The following PSPC1 variants were observed in gnomAD, a reference collection of about 807,000 sequenced individuals.
PSPC1 encodes paraspeckle component 1, also known as paraspeckle protein 1.
Under a neutral mutation model 51.6 loss-of-function variants are expected in PSPC1, and 14 were observed. The ratio of observed to expected loss-of-function variants is 0.27; its 90% confidence interval spans 0.18 to 0.42. The LOEUF (loss-of-function observed/expected upper bound fraction) is 0.42, where lower values mean the gene tolerates loss of function less well. Ranked by LOEUF, PSPC1 falls within the 10% of genes least tolerant of loss-of-function variation. The probability of loss-of-function intolerance (pLI) is 1.00; values close to 1 mark genes in which losing one functional copy is unlikely to be tolerated. For missense variants in PSPC1, 406 were observed against 701.1 expected, an observed-to-expected ratio of 0.58 and a Z score of 4.75; for synonymous variants, 193 against 231.9, an observed-to-expected ratio of 0.83 and a Z score of 1.53.
At chr13:19,698,051 C>T (rs954566313), downstream of PSPC1, among the ~76,000 whole-genome samples, 2 of 151,952 alleles carry the variant, frequency 1.3e-5, no homozygotes, top group African/African-American at 4.8e-5. Context: ...GTCACAGAAG[C>T]CTGGTTGATT....
At chr13:19,738,751 C>CA (rs1206541515) in intron 5 of PSPC1, among the ~76,000 whole-genome samples, 2 of 151,716 alleles carry the variant, frequency 1.3e-5, no homozygotes, top group East Asian at 1.9e-4. Context: ...ACTAAAAATA[C>CA]AAAAAAATAG....
rs149303441 is a variant in PSPC1 at position 19,730,149 on chromosome 13, T to C, written c.1158+90A>G. The C allele has an allele frequency of 6.6e-3, 6,659 of 1,013,400 alleles. 436 individuals are homozygous for C. The Admixed American group carries it at 0.12, about 18-fold the overall frequency. The allele number at this position is 1,013,400 out of a possible 1,614,324, so 62.8% of individuals were successfully genotyped here. On this transcript the variant is annotated intron_variant, in intron 6 of 8. Coordinates refer to ENST00000338910, the MANE Select transcript of PSPC1 (RefSeq NM_001354909.2). Reference sequence around the variant, plus strand: ...TGAATTTAGAAAGATTAGAAAAGACTACTGTATAAACCAAAATCTAAAGCA... The same window carrying C: ...TGAATTTAGAAAGATTAGAAAAGACCACTGTATAAACCAAAATCTAAAGCA...
At chr13:19,709,208 T>TAAAAAA (rs1881102637) in intron 7 of PSPC1, among the ~76,000 whole-genome samples, 1 of 151,578 alleles carries the variant, frequency 6.6e-6, no homozygotes. Flanking sequence ...AATTTGATTT[T>TAAAAAA]AAAACTGCAA....
At chr13:19,780,842 G>A (rs1289347300) in intron 1 of PSPC1, among the ~76,000 whole-genome samples, 9 of 152,098 alleles carry the variant, frequency 5.9e-5, no homozygotes, top group African/African-American at 2.2e-4. Context: ...GTATCGTCCA[G>A]ACAGAGAACC....
intron 8 of PSPC1, among the ~76,000 whole-genome samples, chr13:19,705,266 G>A (rs1348982041): frequency 1.2e-4 from 18 of 152,200 alleles, no homozygotes; most frequent in Non-Finnish European, 1.9e-4. Context: ...AGGCCGAGGC[G>A]GGCGGATCAC....
chr13:19,782,294 C>G lies in PSPC1; in HGVS notation c.372+92G>C, dbSNP rs1441155584. 5 of 1,460,776 alleles carry G rather than the reference C, an allele frequency of 3.4e-6. No individual in the cohort carries two copies. In the Admixed American group the frequency reaches 7.5e-5, roughly 22 times the overall value. The allele number at this position is 1,460,776 out of a possible 1,614,324, so 90.5% of individuals were successfully genotyped here. A position where few individuals can be genotyped will look rare whatever the true frequency, so the allele number is the denominator to read the frequency against. On this transcript the variant is annotated intron_variant, in intron 1 of 8. Coordinates refer to ENST00000338910, the MANE Select transcript of PSPC1 (RefSeq NM_001354909.2). This position sits in a 1 kb window ranked among gnomAD's most constrained non-coding sequence, Gnocchi z 4.5. ...GCGCCACGGTTGCCACAGGTTGAGACAGCGTCCTAGGACGAGGCTGGCCTC... is the reference window on the plus strand; with the variant it reads ...GCGCCACGGTTGCCACAGGTTGAGAGAGCGTCCTAGGACGAGGCTGGCCTC...
At chr13:19,762,342 G>C (rs866828882) in intron 2 of PSPC1, among the ~76,000 whole-genome samples, 1 of 151,836 alleles carries the variant, frequency 6.6e-6, no homozygotes, top group Middle Eastern at 3.4e-3. Context: ...TGGATCACGA[G>C]GTCAGGAGTT....
At chr13:19,695,881 C>T (rs1380509299) in intron 6 of PSPC1, among the ~76,000 whole-genome samples, 1 of 151,356 alleles carries the variant, frequency 6.6e-6, no homozygotes, top group Non-Finnish European at 1.5e-5. Flanking sequence ...AGTCTGGTAT[C>T]AACATATTTT....
downstream of PSPC1, among the ~76,000 whole-genome samples, chr13:19,702,227 A>G (rs531577010): frequency 5.9e-5 from 9 of 152,314 alleles, no homozygotes; most frequent in Non-Finnish European, 1.2e-4. Context: ...TCCAAATTTT[A>G]GGGAAATATT....
At position 19,775,847 on chromosome 13, in the gene PSPC1, G is replaced by A. The variant is rs1889060488; in HGVS notation, c.373-3304C>T. On this transcript the variant is annotated intron_variant, in intron 1 of 8. Coordinates refer to ENST00000338910, the MANE Select transcript of PSPC1 (RefSeq NM_001354909.2). ...AGGAGAATCACGAGGTCAGGAGATT[G>A]AGACCATCCTGGCTAACACAGTGAA... Among the ~76,000 whole-genome samples, 3 of 152,106 alleles carry A rather than the reference G, an allele frequency of 2.0e-5. No homozygotes were observed. In the South Asian group the frequency reaches 6.2e-4, roughly 32 times the overall value.
rs541595269 is a variant in PSPC1, at chr13:19,772,505, C to T, written c.411G>A (p.Leu137=). 1.2e-6 allele frequency: 2 copies of T among 1,609,914 alleles called. No homozygotes were observed. Among genetic ancestry groups the T allele is most frequent in the South Asian group, 2.2e-5 (2 of 90,648 alleles). ...GTCTGCTCTTGAGAATGGTGCCGTC[C>T]AGCTCTGCTTTTGCAATTTCAGCCA... is the stretch of plus-strand genomic sequence containing the variant. ...RTLAEIAKAE[L]DGTILKSRPL... is the part of the protein sequence containing the mutation. The change falls in exon 2 of 9, where the codon CTG becomes CTA. Residue 137 remains leucine, a synonymous_variant. Transcript: ENST00000338910.
At chr13:19,763,711 G>A (rs527250911) in intron 2 of PSPC1, among the ~76,000 whole-genome samples, 1 of 152,268 alleles carries the variant, frequency 6.6e-6, no homozygotes, top group East Asian at 1.9e-4. Flanking sequence ...TTAAATCAAA[G>A]TGAACTCGGC....
chr13:19,743,665 T>C (rs1302628209), intron 4 of PSPC1, among the ~76,000 whole-genome samples: 1 of 152,164 alleles, frequency 6.6e-6, no homozygotes, highest in Non-Finnish European at 1.5e-5. Flanking sequence ...GAAAAGTCTG[T>C]TTTGGTATAT....
At chr13:19,768,227 C>A (rs1002743646) in intron 2 of PSPC1, among the ~76,000 whole-genome samples, 4 of 150,022 alleles carry the variant, frequency 2.7e-5, no homozygotes, top group Non-Finnish European at 4.5e-5. Flanking sequence ...CGTGTCCCCC[C>A]CCAAAAAAAT....
At chr13:19,712,778 T>A (rs866953320) in intron 6 of PSPC1, among the ~76,000 whole-genome samples, 2 of 152,218 alleles carry the variant, frequency 1.3e-5, no homozygotes, top group African/African-American at 4.8e-5. Context: ...CTTAGTAATG[T>A]TGACAATATC....
At chr13:19,695,601 C>T (rs1268992461) in intron 6 of PSPC1, among the ~76,000 whole-genome samples, 1 of 152,060 alleles carries the variant, frequency 6.6e-6, no homozygotes, top group Non-Finnish European at 1.5e-5. Context: ...TAAGGTAATG[C>T]TAGAGCCGTT....
intron 5 of PSPC1, among the ~76,000 whole-genome samples, chr13:19,730,974 A>C (rs1173399439): frequency 5.4e-5 from 8 of 147,726 alleles, no homozygotes; most frequent in Middle Eastern, 3.6e-3. Flanking sequence ...ACAAAAAAAA[A>C]AAAAACAGAA....
At chr13:19,725,974 G>A (rs937929622) in intron 6 of PSPC1, among the ~76,000 whole-genome samples, 1 of 152,058 alleles carries the variant, frequency 6.6e-6, no homozygotes, top group African/African-American at 2.4e-5. Context: ...GGGTAACACA[G>A]GGAGACCCAA....
chr13:19,742,441 A>C (rs996784949), intron 4 of PSPC1, among the ~76,000 whole-genome samples: 2 of 151,754 alleles, frequency 1.3e-5, no homozygotes, highest in Non-Finnish European at 2.9e-5. Context: ...CTGTCTACAA[A>C]AAATACAAAA....
Sources: gnomAD v4.1 joint callset for allele counts (sites outside exome capture counted in the v4.1 genomes callset) on GRCh38, gnomAD v4.1.1 for gene constraint, Gnocchi (gnomAD v3.1) non-coding constraint, MANE v1.5 for transcripts, NCBI Gene and HGNC (gene_info 2026-07-23, HGNC 2026-07-21) for gene names.